MX2: variants seen among roughly 807,000 people sequenced by gnomAD.
MX2 encodes interferon-induced GTP-binding protein Mx2.
A neutral mutation model predicts 74.0 loss-of-function variants in MX2; 51 were observed. The observed-to-expected ratio is 0.69, with a 90% CI of 0.55 to 0.87. The LOEUF is 0.87. Ranked by LOEUF, MX2 falls within the 40% of genes least tolerant of loss-of-function variation. The pLI, the probability that MX2 is intolerant of heterozygous loss-of-function variation, is 0.00. For missense variants in MX2, 832 were observed against 908.7 expected (o/e 0.92, Z 1.09); for synonymous variants, 369 against 339.3 (o/e 1.09, Z -0.96).
chr21:41,366,498 G>A lies in MX2; in HGVS notation c.-72+4443G>A, dbSNP rs1434467057. The stretch of plus-strand genomic sequence containing the variant: ...GTTGGAGACCAGCCTGACCAACATG[G>A]AGAAACCTCATCTCTACTAAAAATA... On this transcript the variant is annotated intron_variant, in intron 1 of 13. Transcript: ENST00000330714. The surrounding 1 kb of genome is among the most constrained non-coding windows in gnomAD (Gnocchi z 4.5). 6.6e-6 allele frequency: 1 copy of A among 152,252 alleles called. No individual in the cohort carries two copies. The highest frequency in any genetic ancestry group is 1.5e-5 in the Non-Finnish European group (1 of 68,066). 9.4% of individuals were successfully genotyped at this position (152,252 alleles called of 1,614,324 possible). A position where few individuals can be genotyped will look rare whatever the true frequency, so the allele number is the denominator to read the frequency against.
At position 41,406,970 on chromosome 21, in the gene MX2, T is replaced by C; in HGVS notation, c.1877T>C (p.Ile626Thr). 1 of 1,613,474 alleles carries C rather than the reference T, an allele frequency of 6.2e-7. No individual in the cohort carries two copies. The highest frequency in any genetic ancestry group is 8.5e-7 in the Non-Finnish European group (1 of 1,179,398). ...NESSVSSFTE[I>T]GIHLNAYFLE... ...TCTTCGGTTTCCTCCTTTACTGAAA[T>C]AGGCATCCACCTGAATGCCTACTTC... Residue 626 changes from isoleucine to threonine, a missense_variant, in exon 13 of 14, where the codon ATA becomes ACA. Transcript: ENST00000330714.
chr21:41,370,485 C>G (rs1646149883), intron 1 of MX2: 1 of 152,252 alleles, frequency 6.6e-6, no homozygotes, highest in African/African-American at 2.4e-5. Flanking sequence ...TCTGTTTCAG[C>G]AAACGGCGAT....
chr21:41,396,419 A>T (rs1190676162), intron 7 of MX2, among the ~76,000 whole-genome samples: 1 of 152,176 alleles, frequency 6.6e-6, no homozygotes, highest in Non-Finnish European at 1.5e-5. Flanking sequence ...TCATTCTGGA[A>T]CTTGTTGTTC....
Position 41,376,916 on chromosome 21 carries a change from G to T in MX2, c.10G>T (p.Ala4Ser), listed in dbSNP as rs2089410498. The change falls in exon 2 of 14, where the codon GCC (alanine) becomes TCC (serine). Residue 4 changes from alanine to serine, a missense_variant. Physicochemically the swap from Ala to Ser is moderately conservative, Grantham distance 99 (BLOSUM62 1). Transcript: ENST00000330714. MSK[A>S]HKPWPYRRRS... ...GACAGGGAGACAGCACATGTCTAAGGCCCACAAGCCTTGGCCCTACCGGAG... is the reference window on the plus strand; with the variant it reads ...GACAGGGAGACAGCACATGTCTAAGTCCCACAAGCCTTGGCCCTACCGGAG... The T allele has an allele frequency of 4.3e-6, 7 of 1,613,718 alleles. No homozygotes were observed. Among genetic ancestry groups the T allele is most frequent in the Non-Finnish European group, 5.9e-6 (7 of 1,180,008 alleles).
chr21:41,393,292 T>C (rs1389474745), intron 6 of MX2, among the ~76,000 whole-genome samples: 1 of 152,148 alleles, frequency 6.6e-6, no homozygotes, highest in Non-Finnish European at 1.5e-5. Context: ...CTAAGCTGGT[T>C]CCCCACCTGT....
chr21:41,387,951 C>G (rs60641746), intron 5 of MX2, among the ~76,000 whole-genome samples: 1 of 152,038 alleles, frequency 6.6e-6, no homozygotes, highest in South Asian at 2.1e-4. Context: ...TCCTCTCACA[C>G]GACACGTCCA....
chr21:41,408,357 G>A lies in MX2; in HGVS notation c.*124G>A. 7.6e-7 allele frequency: 1 copy of A among 1,317,260 alleles called. No individual in the cohort carries two copies. Among genetic ancestry groups the A allele is most frequent in the Non-Finnish European group, 1.0e-6 (1 of 968,016 alleles). 81.6% of individuals were successfully genotyped at this position (1,317,260 alleles called of 1,614,324 possible). ...GTCACTATCAGTGTCCATCTCTACT[G>A]TACTCCCTCAGCATCAGAGCATGCA... is the stretch of plus-strand genomic sequence containing the variant. On this transcript the variant is annotated 3_prime_UTR_variant, in exon 14 of 14. Transcript: ENST00000330714.
At chr21:41,387,390 C>A (rs577461778) in intron 5 of MX2, among the ~76,000 whole-genome samples, 1 of 152,300 alleles carries the variant, frequency 6.6e-6, no homozygotes, top group South Asian at 2.1e-4. Context: ...TCTGTATTCA[C>A]GGCCTCATTG....
chr21:41,399,625 G>GCT (rs1396377673), intron 10 of MX2: 5 of 281,560 alleles, frequency 1.8e-5, no homozygotes, highest in Non-Finnish European at 1.4e-5. Context: ...GAGTGTAGTG[G>GCT]CGCAATCATG....
chr21:41,407,876 ACCAGGGCTTCG>A, intron 13 of MX2, 104 bp from the exon 14 acceptor site: 1 of 1,398,608 alleles, frequency 7.1e-7, no homozygotes, highest in Non-Finnish European at 9.9e-7. Flanking sequence ...GGGCGAGACC[ACCAGGGCTTCG>A]CCAGGCAACC....
Position 41,402,299 on chromosome 21 carries a change from C to T in MX2, c.1573+171C>T. On this transcript the variant is annotated intron_variant, in intron 11 of 13. Transcript: ENST00000330714. This position sits in a 1 kb window ranked among gnomAD's most constrained non-coding sequence, Gnocchi z 4.5. ...CTGTGAGCCAGCAGCACTGGCAAGG[C>T]CTGAGAGCTGGTCAGAGCTACCGAT... 4.0e-6 allele frequency: 3 copies of T among 742,632 alleles called. No homozygotes were observed. The highest frequency in any genetic ancestry group is 6.2e-6 in the Non-Finnish European group (3 of 487,766). The allele number at this position is 742,632 out of a possible 1,614,324, so 46.0% of individuals were successfully genotyped here. A position where few individuals can be genotyped will look rare whatever the true frequency, so the allele number is the denominator to read the frequency against.
At chr21:41,400,291 TAAGTA>T (rs1465643689) in intron 10 of MX2, among the ~76,000 whole-genome samples, 1 of 152,178 alleles carries the variant, frequency 6.6e-6, no homozygotes, top group Non-Finnish European at 1.5e-5. Context: ...GTTTTAGCAA[TAAGTA>T]AAGACTAGAT....
In MX2 at chr21:41,403,318, T is replaced by G. The variant is rs2089840523; in HGVS notation, c.1625T>G (p.Phe542Cys). ...INVAKKHFGE[F>C]FNLNQTVQST... Reference sequence around the variant, plus strand: ...GTGGCCAAAAAACATTTTGGCGAATTTTTCAACCTTAACCAAACTGTTCAG... The same window carrying G: ...GTGGCCAAAAAACATTTTGGCGAATGTTTCAACCTTAACCAAACTGTTCAG... Residue 542 changes from phenylalanine (F) to cysteine (C), a missense_variant, in exon 12 of 14, where the codon TTT (phenylalanine) becomes TGT (cysteine). Phe to Cys is a radical substitution (Grantham distance 205, BLOSUM62 -2). Transcript: ENST00000330714. 6.2e-7 allele frequency: 1 copy of G among 1,613,970 alleles called. No individual in the cohort carries two copies. The highest frequency in any genetic ancestry group is 8.5e-7 in the Non-Finnish European group (1 of 1,179,896).
chr21:41,395,905 C>A, intron 7 of MX2, 120 bp downstream of exon 7: 1 of 935,110 alleles, frequency 1.1e-6, no homozygotes, highest in Non-Finnish European at 1.6e-6. Flanking sequence ...ATAACCTAGC[C>A]TCACCTGATT....
intron 4 of MX2, 50 bp from the exon 5 acceptor site, chr21:41,382,360 C>G: frequency 6.3e-7 from 1 of 1,584,520 alleles, no homozygotes; most frequent in East Asian, 2.3e-5. Context: ...TGCTTCCTCA[C>G]AGGGATCATT....
At chr21:41,372,064 C>A (rs749987500) in intron 1 of MX2, among the ~76,000 whole-genome samples, 7 of 152,260 alleles carry the variant, frequency 4.6e-5, no homozygotes, top group Non-Finnish European at 7.4e-5. Context: ...AGTCTATAAT[C>A]TTTTGATAGG....
chr21:41,399,154 A>G lies in MX2; in HGVS notation c.1273-42A>G, dbSNP rs766489569. 8.1e-6 allele frequency: 13 copies of G among 1,606,338 alleles called. No individual in the cohort carries two copies. The South Asian group carries it at 1.3e-4, about 16-fold the overall frequency. On this transcript the variant is annotated intron_variant, in intron 9 of 13. Coordinates refer to ENST00000330714, the MANE Select transcript of MX2 (RefSeq NM_002463.2). ...TTGCAACGCCGGTCCCAGTTCTTTCATATGATTTCCGCAAAGACTATTGAC... is the reference window on the plus strand; with the variant it reads ...TTGCAACGCCGGTCCCAGTTCTTTCGTATGATTTCCGCAAAGACTATTGAC...
rs1350330416 is a variant in MX2 at position 41,363,154 on chromosome 21, T to C, written c.-72+1099T>C. 6.6e-6 allele frequency: 1 copy of C among 152,304 alleles called. No homozygotes were observed. Among genetic ancestry groups the C allele is most frequent in the Non-Finnish European group, 1.5e-5 (1 of 68,054 alleles). 9.4% of individuals were successfully genotyped at this position (152,304 alleles called of 1,614,324 possible). ...GATCAGGATTCCAAGCTATCTTTCC[T>C]CGCACCCTCTCCTCCGTTTACTCTG... is the stretch of plus-strand genomic sequence containing the variant. On this transcript the variant is annotated intron_variant, in intron 1 of 13. Transcript: ENST00000330714. This position sits in a 1 kb window ranked among gnomAD's most constrained non-coding sequence, Gnocchi z 4.2.
At chr21:41,367,660 TA>T (rs1396016957) in intron 1 of MX2, among the ~76,000 whole-genome samples, 1 of 152,232 alleles carries the variant, frequency 6.6e-6, no homozygotes, top group African/African-American at 2.4e-5. Flanking sequence ...GCATGCTTCT[TA>T]GTCTTCAGAC....
Sources: allele counts gnomAD v4.1 joint callset (sites outside exome capture counted in the v4.1 genomes callset), GRCh38; gene constraint gnomAD v4.1.1; non-coding constraint Gnocchi (gnomAD v3.1); transcripts MANE v1.5; gene names NCBI Gene and HGNC (gene_info 2026-07-23, HGNC 2026-07-21).